Variants in AGBL4 observed in about 807,000 individuals in gnomAD.
The protein encoded by AGBL4 is cytosolic carboxypeptidase 6.
AGBL4 carries 58 observed loss-of-function variants against 66.4 expected under a neutral mutation model. The ratio of observed to expected loss-of-function variants is 0.87; its 90% confidence interval spans 0.71 to 1.09. The LOEUF is 1.09. Ranked by LOEUF, AGBL4 falls within the 50% of genes least tolerant of loss-of-function variation. AGBL4 has a pLI of 0.00. For missense variants in AGBL4, 579 were observed against 631.0 expected, an observed-to-expected ratio of 0.92 and a Z score of 0.88; for synonymous variants, 234 against 222.9, an observed-to-expected ratio of 1.05 and a Z score of -0.44.
chr1:49,750,762 C>A (rs1045559744), intron 2 of AGBL4, among the ~76,000 whole-genome samples: 5 of 152,104 alleles, frequency 3.3e-5, no homozygotes, highest in African/African-American at 1.2e-4. Flanking sequence ...TCTCTTAGTT[C>A]CTTGAGGAGT....
At chr1:48,897,287 T>C (rs1486773700) in intron 5 of AGBL4, among the ~76,000 whole-genome samples, 1 of 152,176 alleles carries the variant, frequency 6.6e-6, no homozygotes, top group Non-Finnish European at 1.5e-5. Flanking sequence ...TCCAGTATCA[T>C]CCATGTTGCT....
At chr1:49,380,944 T>A (rs1206295927) in intron 3 of AGBL4, among the ~76,000 whole-genome samples, 1 of 152,138 alleles carries the variant, frequency 6.6e-6, no homozygotes, top group Non-Finnish European at 1.5e-5. Context: ...GGCAAGGACT[T>A]CATGTCTAAA....
intron 2 of AGBL4, among the ~76,000 whole-genome samples, chr1:49,738,890 C>G (rs921913736): frequency 3.3e-5 from 5 of 152,052 alleles, no homozygotes; most frequent in South Asian, 2.1e-4. Context: ...ACATCGATAC[C>G]AAAACCTCAT....
chr1:49,071,106 T>C (rs998261486), intron 4 of AGBL4, among the ~76,000 whole-genome samples: 3 of 151,974 alleles, frequency 2.0e-5, no homozygotes, highest in Admixed American at 6.5e-5. Context: ...TTATCATTTT[T>C]TATTGCATCT....
At chr1:48,560,303 G>A (rs1644378462) in intron 11 of AGBL4, among the ~76,000 whole-genome samples, 1 of 152,144 alleles carries the variant, frequency 6.6e-6, no homozygotes, top group Non-Finnish European at 1.5e-5. Flanking sequence ...ACTAGTACTT[G>A]AGCACAGCAA....
At chr1:49,682,661 T>G (rs992104175) in intron 3 of AGBL4, among the ~76,000 whole-genome samples, 1 of 152,226 alleles carries the variant, frequency 6.6e-6, no homozygotes, top group Non-Finnish European at 1.5e-5. Context: ...TTCATGGGTG[T>G]GTGACCTGTG....
intron 3 of AGBL4, among the ~76,000 whole-genome samples, chr1:49,489,857 C>A (rs1647151034): frequency 6.6e-6 from 1 of 151,598 alleles, no homozygotes; most frequent in African/African-American, 2.4e-5. Context: ...TTTCTGGGTT[C>A]TCTATTCTTT....
chr1:49,919,764 A>C (rs1273573264), intron 1 of AGBL4, among the ~76,000 whole-genome samples: 1 of 152,194 alleles, frequency 6.6e-6, no homozygotes, highest in African/African-American at 2.4e-5. Flanking sequence ...GAACCAAAAA[A>C]GAGCCCGCAT....
At chr1:49,922,886 G>T (rs1487382259) in intron 1 of AGBL4, among the ~76,000 whole-genome samples, 1 of 152,142 alleles carries the variant, frequency 6.6e-6, no homozygotes, top group South Asian at 2.1e-4. Flanking sequence ...TGGCAATACT[G>T]CCCAAAGCAA....
intron 6 of AGBL4, chr1:48,761,223 C>T: frequency 8.6e-7 from 1 of 1,166,138 alleles, no homozygotes; most frequent in East Asian, 2.6e-5. Flanking sequence ...AAATCATAGC[C>T]TGTGATACCA....
chr1:48,964,939 G>T lies in AGBL4; in HGVS notation c.594+80645C>A, dbSNP rs116267833. Among the ~76,000 whole-genome samples, 789 of 152,162 alleles carry T rather than the reference G, an allele frequency of 5.2e-3. 2 individuals carry two copies. The highest frequency in any genetic ancestry group is 0.01 in the Middle Eastern group (3 of 292). ...AATCAAACAGTTTGTTGATGGTAAA[G>T]CCAGGGTTTGAACCCAAGTTGTTGC... On this transcript the variant is annotated intron_variant, in intron 5 of 13. Coordinates refer to ENST00000371839, the MANE Select transcript of AGBL4 (RefSeq NM_032785.4).
chr1:49,045,333 A>G (rs867956704), intron 5 of AGBL4, among the ~76,000 whole-genome samples: 3 of 152,204 alleles, frequency 2.0e-5, no homozygotes, highest in South Asian at 2.1e-4. Context: ...AAAAACAACC[A>G]TCTGTCTCAT....
chr1:49,309,759 G>C (rs1644912044), intron 3 of AGBL4, among the ~76,000 whole-genome samples: 1 of 151,946 alleles, frequency 6.6e-6, no homozygotes, highest in East Asian at 1.9e-4. Context: ...ACCCCTAAGT[G>C]ACTATCAAAT....
At chr1:49,049,085 C>T (rs1644149258) in intron 4 of AGBL4, among the ~76,000 whole-genome samples, 2 of 152,140 alleles carry the variant, frequency 1.3e-5, no homozygotes, top group Admixed American at 1.3e-4. Flanking sequence ...CCAGCATCAT[C>T]ATCCATTTCA....
chr1:49,287,691 A>C (rs1196370448), intron 3 of AGBL4, among the ~76,000 whole-genome samples: 1 of 151,910 alleles, frequency 6.6e-6, no homozygotes, highest in Non-Finnish European at 1.5e-5. Context: ...TTAGAATGGC[A>C]ATCATCAAAA....
intron 2 of AGBL4, among the ~76,000 whole-genome samples, chr1:49,747,260 TC>T (rs1348119562): frequency 3.9e-5 from 6 of 152,196 alleles, no homozygotes; most frequent in African/African-American, 1.4e-4. Flanking sequence ...TCTATGACTG[TC>T]CTTTGCTCAT....
At chr1:48,845,230 T>C (rs1489611907) in intron 6 of AGBL4, among the ~76,000 whole-genome samples, 2 of 152,230 alleles carry the variant, frequency 1.3e-5, no homozygotes, top group Non-Finnish European at 2.9e-5. Flanking sequence ...AGAAAAGTGC[T>C]TGTCACTGTG....
intron 3 of AGBL4, among the ~76,000 whole-genome samples, chr1:49,486,178 A>G (rs1647063040): frequency 1.3e-5 from 2 of 152,036 alleles, no homozygotes; most frequent in South Asian, 2.1e-4. Context: ...ATAGCAAATC[A>G]AAGTATTCAT....
At chr1:49,543,651 T>C (rs1342344068) in intron 3 of AGBL4, among the ~76,000 whole-genome samples, 1 of 152,126 alleles carries the variant, frequency 6.6e-6, no homozygotes, top group Non-Finnish European at 1.5e-5. Flanking sequence ...AGAAATAATA[T>C]GTATTAGCCT....
Sources: allele counts gnomAD v4.1 joint callset (sites outside exome capture counted in the v4.1 genomes callset), GRCh38; gene constraint gnomAD v4.1.1; transcripts MANE v1.5; gene names NCBI Gene and HGNC (gene_info 2026-07-23, HGNC 2026-07-21).